The following ST8SIA6 variants were observed in gnomAD, a reference collection of about 807,000 sequenced individuals.
ST8SIA6 encodes the protein ST8 alpha-N-acetyl-neuraminide alpha-2,8-sialyltransferase 6.
A neutral mutation model predicts 33.6 loss-of-function variants in ST8SIA6; 39 were observed. The observed-to-expected ratio is 1.16, with a 90% CI of 0.90 to 1.52. The LOEUF (loss-of-function observed/expected upper bound fraction) is 1.52, where lower values mean the gene tolerates loss of function less well. Among genes scored for constraint, ST8SIA6 ranks in the 40% most tolerant of loss-of-function variants. ST8SIA6 has a pLI of 0.00. For synonymous variants in ST8SIA6, 172 were observed against 167.2 expected, an observed-to-expected ratio of 1.03 and a Z score of -0.22; for missense variants, 441 against 443.8, an observed-to-expected ratio of 0.99 and a Z score of 0.06.
At chr10:17,431,252 G>C (rs936787312) in intron 2 of ST8SIA6, among the ~76,000 whole-genome samples, 1 of 152,172 alleles carries the variant, frequency 6.6e-6, no homozygotes, top group Non-Finnish European at 1.5e-5. Context: ...CTGAGGATCA[G>C]GTAGCTCCCA....
At chr10:17,378,383 T>C (rs1849990645) in intron 3 of ST8SIA6, among the ~76,000 whole-genome samples, 1 of 152,192 alleles carries the variant, frequency 6.6e-6, no homozygotes, top group Non-Finnish European at 1.5e-5. Flanking sequence ...AAACGGATAA[T>C]GTCAGAGACC....
intron 3 of ST8SIA6, among the ~76,000 whole-genome samples, chr10:17,382,005 G>T (rs2131645066): frequency 6.6e-6 from 1 of 152,242 alleles, no homozygotes; most frequent in South Asian, 2.1e-4. Context: ...ACAGCAAGAT[G>T]GAGTCAAGTC....
chr10:17,438,991 G>A (rs1008109879), intron 2 of ST8SIA6, among the ~76,000 whole-genome samples: 4 of 152,154 alleles, frequency 2.6e-5, no homozygotes, highest in Non-Finnish European at 5.9e-5. Context: ...GACTCAGACT[G>A]CTTTACCCAA....
At chr10:17,441,045 T>C (rs756553913) in intron 2 of ST8SIA6, among the ~76,000 whole-genome samples, 1 of 152,220 alleles carries the variant, frequency 6.6e-6, no homozygotes, top group Non-Finnish European at 1.5e-5. Flanking sequence ...CTTCTCTCAG[T>C]GGATGGCTTA....
At chr10:17,453,185 GA>G (rs1207034192) in intron 2 of ST8SIA6, among the ~76,000 whole-genome samples, 1 of 144,022 alleles carries the variant, frequency 6.9e-6, no homozygotes, top group African/African-American at 2.6e-5. Context: ...GCATAGAAAA[GA>G]AAAAGCAAAC....
Position 17,342,687 on chromosome 10 carries a change from A to T in ST8SIA6, c.378-11135T>A, listed in dbSNP as rs546128605. On this transcript the variant is annotated intron_variant, in intron 4 of 7. Transcript: ENST00000377602. The stretch of plus-strand genomic sequence containing the variant: ...AAGAACAGCCTGGGCACAGTGGCTC[A>T]TGCCTCTAATCCCAGCACTTTAGGA... Among the ~76,000 whole-genome samples, 10 of 152,346 alleles carry T rather than the reference A, an allele frequency of 6.6e-5. No individual in the cohort carries two copies. In the South Asian group the frequency reaches 2.1e-3, roughly 32 times the overall value.
At chr10:17,438,369 G>A (rs1852357522) in intron 2 of ST8SIA6, among the ~76,000 whole-genome samples, 1 of 152,050 alleles carries the variant, frequency 6.6e-6, no homozygotes, top group African/African-American at 2.4e-5. Context: ...GGCTCTCAAA[G>A]TTCAAAGGCA....
chr10:17,337,624 G>C (rs947166063), intron 4 of ST8SIA6, among the ~76,000 whole-genome samples: 1 of 152,182 alleles, frequency 6.6e-6, no homozygotes, highest in African/African-American at 2.4e-5. Context: ...CAGAGAGTAA[G>C]AGCCAGTGTT....
intron 4 of ST8SIA6, among the ~76,000 whole-genome samples, chr10:17,349,450 A>G (rs17136473): frequency 0.22 from 34,001 of 152,152 alleles, 4,059 homozygotes; most frequent in African/African-American, 0.31. Flanking sequence ...GCTACCATGT[A>G]CTGAGATTCT....
chr10:17,328,557 C>G (rs1472909238), intron 5 of ST8SIA6, among the ~76,000 whole-genome samples: 2 of 152,194 alleles, frequency 1.3e-5, no homozygotes, highest in African/African-American at 2.4e-5. Context: ...AGGTCCTGAT[C>G]TACCGATTTT....
At chr10:17,439,505 C>T (rs1852396971) in intron 2 of ST8SIA6, among the ~76,000 whole-genome samples, 1 of 152,188 alleles carries the variant, frequency 6.6e-6, no homozygotes, top group African/African-American at 2.4e-5. Context: ...GTCTAAAACT[C>T]CTGACCTCAG....
At chr10:17,331,583 A>G (rs767092991) in intron 4 of ST8SIA6, 31 bp from the exon 5 acceptor site, 6 of 1,591,562 alleles carry the variant, frequency 3.8e-6, no homozygotes, top group Non-Finnish European at 5.1e-6. Flanking sequence ...AAGGAAGCCA[A>G]AGTATAAGAT....
chr10:17,388,600 G>A (rs1351252546), intron 3 of ST8SIA6, among the ~76,000 whole-genome samples: 1 of 152,164 alleles, frequency 6.6e-6, no homozygotes, highest in Non-Finnish European at 1.5e-5. Context: ...TCCTTGTATA[G>A]GATTGGCATG....
chr10:17,398,766 C>T (rs1365810118), intron 2 of ST8SIA6, among the ~76,000 whole-genome samples: 1 of 152,078 alleles, frequency 6.6e-6, no homozygotes, highest in Admixed American at 6.5e-5. Context: ...ACACTCTGTC[C>T]TCATTCTAGG....
chr10:17,440,207 A>ATTT (rs199531697), intron 2 of ST8SIA6, among the ~76,000 whole-genome samples: 5,839 of 135,814 alleles, frequency 0.043, 220 homozygotes, highest in East Asian at 0.087. Flanking sequence ...TCTCAAATGT[A>ATTT]TTTTTTTTTT....
intron 4 of ST8SIA6, among the ~76,000 whole-genome samples, chr10:17,341,816 G>T (rs577876290): frequency 2.8e-5 from 4 of 140,366 alleles, no homozygotes; most frequent in African/African-American, 1.1e-4. Flanking sequence ...CAAGAGAATC[G>T]CTTGAACCCA....
At chr10:17,326,725 A>G (rs1848141651) in intron 6 of ST8SIA6, among the ~76,000 whole-genome samples, 1 of 152,220 alleles carries the variant, frequency 6.6e-6, no homozygotes, top group African/African-American at 2.4e-5. Flanking sequence ...GGTAGCCATT[A>G]ACGTACTGAA....
intron 2 of ST8SIA6, among the ~76,000 whole-genome samples, chr10:17,394,271 A>C (rs1056806635): frequency 6.6e-6 from 1 of 151,820 alleles, no homozygotes; most frequent in African/African-American, 2.4e-5. Context: ...GGGACCAAAC[A>C]GGGTCTTCAG....
intron 4 of ST8SIA6, among the ~76,000 whole-genome samples, chr10:17,353,465 A>G (rs1358139199): frequency 6.6e-6 from 1 of 152,148 alleles, no homozygotes; most frequent in African/African-American, 2.4e-5. Context: ...GTTTAACACT[A>G]TTTTCTTCAA....
Sources: gnomAD v4.1 joint callset for allele counts (sites outside exome capture counted in the v4.1 genomes callset) on GRCh38, gnomAD v4.1.1 for gene constraint, MANE v1.5 for transcripts, NCBI Gene and HGNC (gene_info 2026-07-23, HGNC 2026-07-21) for gene names.